The following SH3RF3 variants were observed in gnomAD, a reference collection of about 807,000 sequenced individuals.
SH3RF3 encodes the protein E3 ubiquitin-protein ligase SH3RF3.
In SH3RF3, 29 loss-of-function variants were observed where a neutral mutation model predicts 66.3. The ratio of observed to expected loss-of-function variants is 0.44; its 90% confidence interval spans 0.33 to 0.60. The LOEUF (loss-of-function observed/expected upper bound fraction) is 0.60, where lower values mean the gene tolerates loss of function less well. Among genes scored for constraint, SH3RF3 ranks in the 20% least tolerant of loss-of-function variants. SH3RF3 has a pLI of 0.04. For missense variants in SH3RF3, 1,194 were observed against 1,190.9 expected, an observed-to-expected ratio of 1.00 and a Z score of -0.04; for synonymous variants, 583 against 532.0, an observed-to-expected ratio of 1.10 and a Z score of -1.32.
chr2:109,400,452 C>T (rs566798659), intron 4 of SH3RF3, among the ~76,000 whole-genome samples: 2 of 152,260 alleles, frequency 1.3e-5, no homozygotes, highest in South Asian at 4.1e-4. Flanking sequence ...ACCCCTTCCA[C>T]ATGCACACAC....
At chr2:109,182,609 T>C (rs952295607) in intron 1 of SH3RF3, among the ~76,000 whole-genome samples, 2 of 152,198 alleles carry the variant, frequency 1.3e-5, no homozygotes, top group African/African-American at 4.8e-5. Context: ...TGAATCGATG[T>C]TGCGTAAATT....
chr2:109,282,685 T>A (rs746297252), intron 1 of SH3RF3, among the ~76,000 whole-genome samples: 21 of 152,222 alleles, frequency 1.4e-4, no homozygotes, highest in Non-Finnish European at 3.1e-4. Flanking sequence ...TTAAAGTGGG[T>A]CTGGCTGGTC....
intron 1 of SH3RF3, among the ~76,000 whole-genome samples, chr2:109,233,310 G>A (rs1574518987): frequency 6.6e-6 from 1 of 152,176 alleles, no homozygotes; most frequent in Non-Finnish European, 1.5e-5. Flanking sequence ...GCTCTCAGTG[G>A]GTTGGGGACC....
rs531585073 is a variant in SH3RF3 at position 109,457,420 on chromosome 2, G to A, written c.2148+7931G>A. On this transcript the variant is annotated intron_variant, in intron 8 of 9. Transcript: ENST00000309415. ...TAAACCAAAATGCATTTTTAAAATA[G>A]TAATACACTTTAGAAAATGAAAAGG... Among the ~76,000 whole-genome samples the A allele has an allele frequency of 7.2e-5, 11 of 152,330 alleles. No homozygotes were observed. In the South Asian group the frequency reaches 1.7e-3, roughly 23 times the overall value.
Position 109,490,781 on chromosome 2 carries a change from C to T in SH3RF3, c.2325C>T (p.Ser775=). 1 of 1,536,956 alleles carries T rather than the reference C, an allele frequency of 6.5e-7. No homozygotes were observed. Among genetic ancestry groups the T allele is most frequent in the Non-Finnish European group, 8.7e-7 (1 of 1,146,768 alleles). Residue 775 remains serine, a synonymous_variant, in exon 9 of 10, where the codon TCC becomes TCT. Coordinates refer to ENST00000309415, the MANE Select transcript of SH3RF3 (RefSeq NM_001099289.3). ...TGTCCATCCACGGCAGGGCAGGGTC[C>T]TGCCCCATAGAGAGCGAGATGCAGG... The part of the protein sequence containing the change: ...SSLSIHGRAG[S]CPIESEMQGA...
At chr2:109,252,987 A>T (rs990506844) in intron 1 of SH3RF3, among the ~76,000 whole-genome samples, 1 of 151,972 alleles carries the variant, frequency 6.6e-6, no homozygotes, top group Non-Finnish European at 1.5e-5. Context: ...AAAATCCATC[A>T]GTTTAAATGT....
At chr2:109,259,728 ACTT>A (rs1305363665) in intron 1 of SH3RF3, among the ~76,000 whole-genome samples, 1 of 151,998 alleles carries the variant, frequency 6.6e-6, no homozygotes, top group African/African-American at 2.4e-5. Flanking sequence ...GGTTCTTTTC[ACTT>A]CTTTTTCTTC....
Position 109,129,721 on chromosome 2 carries a change from C to G in SH3RF3, c.181C>G (p.Leu61Val). The G allele has an allele frequency of 2.0e-6, 3 of 1,538,024 alleles. No homozygotes were observed. Among genetic ancestry groups the G allele is most frequent in the Non-Finnish European group, 2.6e-6 (3 of 1,145,190 alleles). ...GGACCTGCTGGAGTGCTCCGTGTGT[C>G]TGGAGCGCCTGGACACCACGGCCAA... is the stretch of plus-strand genomic sequence containing the variant. ...LLDLLECSVC[L>V]ERLDTTAKVL... The change falls in exon 1 of 10, where the codon CTG becomes GTG. Residue 61 changes from leucine to valine, a missense_variant. Leu to Val is a conservative substitution (Grantham distance 32). Coordinates refer to ENST00000309415, the MANE Select transcript of SH3RF3 (RefSeq NM_001099289.3).
At chr2:109,442,260 G>A (rs1044009818) in intron 7 of SH3RF3, among the ~76,000 whole-genome samples, 11 of 149,686 alleles carry the variant, frequency 7.3e-5, no homozygotes, top group South Asian at 2.1e-4. Context: ...ACAGTGAGCC[G>A]AGATCGTGCC....
At chr2:109,152,350 T>C (rs578003639) in intron 1 of SH3RF3, among the ~76,000 whole-genome samples, 64 of 152,330 alleles carry the variant, frequency 4.2e-4, no homozygotes, top group African/African-American at 1.5e-3. Context: ...CCCTGGTGCA[T>C]TTGGCAAATC....
chr2:109,398,618 A>G lies in SH3RF3; in HGVS notation c.974A>G (p.Glu325Gly). 6.3e-7 allele frequency: 1 copy of G among 1,586,390 alleles called. No homozygotes were observed. Among genetic ancestry groups the G allele is most frequent in the Non-Finnish European group, 8.6e-7 (1 of 1,167,784 alleles). The change falls in exon 4 of 10, where the codon GAG becomes GGG. Residue 325 changes from glutamate (E) to glycine (G), a missense_variant. Glu to Gly is a moderately conservative substitution (Grantham distance 98). Transcript: ENST00000309415. ...AATGACTCCGCCAAGCAGCTCATTG[A>G]GATGGACAAGCCATGCCCAGCCGCT... is the stretch of plus-strand genomic sequence containing the variant. ...ELNDSAKQLI[E>G]MDKPCPAAAS... is the part of the protein sequence containing the mutation.
At chr2:109,221,539 G>A (rs1022005007) in intron 1 of SH3RF3, among the ~76,000 whole-genome samples, 13 of 145,168 alleles carry the variant, frequency 9.0e-5, no homozygotes, top group Non-Finnish European at 1.3e-4. Flanking sequence ...CCGCGATCGC[G>A]CCAGTGCACT....
intron 3 of SH3RF3, among the ~76,000 whole-genome samples, chr2:109,385,131 G>C (rs1026420527): frequency 1.3e-5 from 2 of 152,154 alleles, no homozygotes; most frequent in Non-Finnish European, 2.9e-5. Flanking sequence ...GCCCACGTTG[G>C]CATCAGACAG....
chr2:109,280,756 A>C (rs1011728926), intron 1 of SH3RF3, among the ~76,000 whole-genome samples: 2 of 152,232 alleles, frequency 1.3e-5, no homozygotes, highest in African/African-American at 4.8e-5. Context: ...GGCTGTGAGC[A>C]TGAGCCTCGA....
intron 1 of SH3RF3, among the ~76,000 whole-genome samples, chr2:109,208,487 C>T (rs1391595745): frequency 6.6e-6 from 1 of 152,180 alleles, no homozygotes; most frequent in East Asian, 1.9e-4. Context: ...GCAAAGGCTC[C>T]CAGTAACAGT....
chr2:109,400,626 C>A (rs1443725946), intron 4 of SH3RF3, among the ~76,000 whole-genome samples: 2 of 152,020 alleles, frequency 1.3e-5, no homozygotes, highest in Non-Finnish European at 2.9e-5. Context: ...ACATACACAC[C>A]CACACATACA....
chr2:109,179,003 A>ATGTGTGTGTGTGTGTGTGTGTG (rs56236635), intron 1 of SH3RF3, among the ~76,000 whole-genome samples: 16 of 142,178 alleles, frequency 1.1e-4, no homozygotes, highest in South Asian at 2.3e-4. Context: ...AAGTATAATA[A>ATGTGTGTGTGTGTGTGTGTGTG]TGTGTGTGTG....
intron 1 of SH3RF3, among the ~76,000 whole-genome samples, chr2:109,231,198 C>T (rs894426297): frequency 2.6e-5 from 4 of 152,258 alleles, no homozygotes; most frequent in Non-Finnish European, 4.4e-5. Flanking sequence ...CTCGGATGAA[C>T]TGTCAGGCTG....
Position 109,412,727 on chromosome 2 carries a change from C to T in SH3RF3, c.1300-6812C>T. On this transcript the variant is annotated intron_variant, in intron 4 of 9. Coordinates refer to ENST00000309415, the MANE Select transcript of SH3RF3 (RefSeq NM_001099289.3). The stretch of plus-strand genomic sequence containing the variant: ...TTCTCATACCACTGTGGAAATGTTT[C>T]AGGAAACCATTGTCACTTGATATTA... 1.3e-5 allele frequency among the ~76,000 whole-genome samples: 2 copies of T among 152,172 alleles called. 1 individual carries two copies. Among genetic ancestry groups the T allele is most frequent in the Admixed American group, 1.3e-4 (2 of 15,288 alleles).
Sources: allele counts gnomAD v4.1 joint callset (sites outside exome capture counted in the v4.1 genomes callset), GRCh38; gene constraint gnomAD v4.1.1; transcripts MANE v1.5; gene names NCBI Gene and HGNC (gene_info 2026-07-23, HGNC 2026-07-21).